The following GRIK1 variants were observed in gnomAD, a reference collection of about 807,000 sequenced individuals.
The protein encoded by GRIK1 is glutamate ionotropic receptor kainate type subunit 1, also known as glutamate receptor ionotropic, kainate 1.
In GRIK1, 69 loss-of-function variants were observed where a neutral mutation model predicts 105.7. That is an observed-to-expected ratio of 0.65 (90% CI 0.54 to 0.80). The LOEUF is 0.80. Ranked by LOEUF, GRIK1 falls within the 30% of genes least tolerant of loss-of-function variation. The pLI is 0.00. For missense variants in GRIK1, 1,109 were observed against 1,167.3 expected (o/e 0.95, Z 0.73); for synonymous variants, 438 against 431.3 (o/e 1.02, Z -0.19).
intron 1 of GRIK1, among the ~76,000 whole-genome samples, chr21:29,735,456 G>T (rs1421628885): frequency 6.6e-6 from 1 of 152,150 alleles, no homozygotes; most frequent in Non-Finnish European, 1.5e-5. Flanking sequence ...ATAATTTTAT[G>T]TCTTTAATGT....
chr21:29,674,533 C>T (rs1021746939), intron 3 of GRIK1, among the ~76,000 whole-genome samples: 5 of 151,752 alleles, frequency 3.3e-5, no homozygotes, highest in African/African-American at 9.7e-5. Context: ...CCCCATGTGT[C>T]GGGGGGGAAC....
At chr21:29,790,540 C>T (rs1467511074) in intron 1 of GRIK1, among the ~76,000 whole-genome samples, 5 of 151,886 alleles carry the variant, frequency 3.3e-5, no homozygotes, top group African/African-American at 1.2e-4. Flanking sequence ...ACTGCAGCCT[C>T]GAACTTCCAG....
At chr21:29,918,370 T>A (rs533011931) in intron 1 of GRIK1, among the ~76,000 whole-genome samples, 25 of 152,192 alleles carry the variant, frequency 1.6e-4, no homozygotes, top group African/African-American at 4.6e-4. Context: ...GAAGTAGACA[T>A]AACCAATCTC....
intron 7 of GRIK1, among the ~76,000 whole-genome samples, chr21:29,614,695 G>C (rs991431256): frequency 8.6e-5 from 13 of 151,350 alleles, no homozygotes; most frequent in African/African-American, 2.9e-4. Flanking sequence ...TTACAGGCAT[G>C]AGCCACCGCG....
intron 1 of GRIK1, among the ~76,000 whole-genome samples, chr21:29,822,657 T>C (rs766665734): frequency 1.3e-4 from 19 of 151,968 alleles, no homozygotes; most frequent in Non-Finnish European, 2.5e-4. Flanking sequence ...TGGGTTAATA[T>C]ATGGATGGAC....
At chr21:29,738,976 T>G (rs777395271) in intron 1 of GRIK1, among the ~76,000 whole-genome samples, 1 of 152,234 alleles carries the variant, frequency 6.6e-6, no homozygotes, top group Non-Finnish European at 1.5e-5. Context: ...TTTTCTTATT[T>G]ATGTATGCAT....
intron 7 of GRIK1, among the ~76,000 whole-genome samples, chr21:29,606,478 A>G (rs2061619229): frequency 6.6e-6 from 1 of 152,024 alleles, no homozygotes; most frequent in Non-Finnish European, 1.5e-5. Context: ...GTCTTTTTAC[A>G]GCAAGCTTTA....
intron 1 of GRIK1, among the ~76,000 whole-genome samples, chr21:29,796,125 A>G (rs894654133): frequency 4.6e-5 from 7 of 152,194 alleles, no homozygotes; most frequent in Non-Finnish European, 8.8e-5. Context: ...TTGCAGGCCT[A>G]TTTATTAAGA....
chr21:29,836,049 C>T (rs571505030), intron 1 of GRIK1, among the ~76,000 whole-genome samples: 32 of 152,340 alleles, frequency 2.1e-4, no homozygotes, highest in African/African-American at 7.2e-4. Flanking sequence ...GCACTCTTCA[C>T]CAAGCCTGGC....
chr21:29,844,571 G>A (rs1451771864), intron 1 of GRIK1, among the ~76,000 whole-genome samples: 1 of 152,134 alleles, frequency 6.6e-6, no homozygotes, highest in Non-Finnish European at 1.5e-5. Context: ...AATCCCTTCT[G>A]ATTTAAGGAA....
intron 7 of GRIK1, among the ~76,000 whole-genome samples, chr21:29,633,600 G>A (rs2062333307): frequency 1.3e-5 from 2 of 152,140 alleles, no homozygotes; most frequent in Admixed American, 1.3e-4. Flanking sequence ...AACAAACTAA[G>A]ATGTTTATAT....
rs188159139 is a variant in GRIK1, at chr21:29,681,082, G to A, written c.545-7918C>T. Among the ~76,000 whole-genome samples the A allele has an allele frequency of 2.8e-4, 42 of 152,248 alleles. No individual in the cohort carries two copies. The East Asian group carries it at 5.6e-3, about 20-fold the overall frequency. ...CAGGTGGTGGAGGTTGCAGTGAGCC[G>A]AGATCGCACCACTGCACTCCAGCCT... On this transcript the variant is annotated intron_variant, in intron 3 of 17. Coordinates refer to ENST00000327783, the MANE Select transcript of GRIK1 (RefSeq NM_001330994.2).
At chr21:29,612,557 C>A (rs1340489995) in intron 7 of GRIK1, among the ~76,000 whole-genome samples, 2 of 152,160 alleles carry the variant, frequency 1.3e-5, no homozygotes, top group Non-Finnish European at 1.5e-5. Flanking sequence ...TCAGTGCATT[C>A]ATTTCTCACC....
chr21:29,570,350 A>G (rs979520583), intron 14 of GRIK1, among the ~76,000 whole-genome samples: 1 of 152,066 alleles, frequency 6.6e-6, no homozygotes, highest in African/African-American at 2.4e-5. Context: ...AAAATAAAAA[A>G]ATATAGCTGG....
chr21:29,616,394 TC>T (rs770684559), intron 7 of GRIK1, among the ~76,000 whole-genome samples: 23 of 152,328 alleles, frequency 1.5e-4, no homozygotes, highest in Middle Eastern at 3.4e-3. Context: ...TCATTTAAAT[TC>T]CAAGTGCTCA....
chr21:29,872,223 T>C (rs1397054158), intron 1 of GRIK1, among the ~76,000 whole-genome samples: 1 of 143,204 alleles, frequency 7.0e-6, no homozygotes, highest in African/African-American at 2.6e-5. Context: ...AGACGGAGTC[T>C]CGCTCTGTCG....
chr21:29,578,069 C>G (rs1396888227), intron 13 of GRIK1, among the ~76,000 whole-genome samples: 1 of 152,166 alleles, frequency 6.6e-6, no homozygotes, highest in Non-Finnish European at 1.5e-5. Flanking sequence ...CAATTTTGCT[C>G]AAACTCAGCA....
At chr21:29,911,908 C>T (rs1263596216) in intron 1 of GRIK1, among the ~76,000 whole-genome samples, 2 of 151,918 alleles carry the variant, frequency 1.3e-5, no homozygotes, top group Non-Finnish European at 2.9e-5. Context: ...TATGGCAGCT[C>T]AAATAGACTA....
intron 1 of GRIK1, among the ~76,000 whole-genome samples, chr21:29,921,114 A>T (rs182543182): frequency 5.3e-5 from 8 of 152,036 alleles, no homozygotes; most frequent in Middle Eastern, 3.4e-3. Flanking sequence ...AGCACTCCTG[A>T]CCTCTAACCA....
Sources: allele counts gnomAD v4.1 joint callset (sites outside exome capture counted in the v4.1 genomes callset), GRCh38; gene constraint gnomAD v4.1.1; transcripts MANE v1.5; gene names NCBI Gene and HGNC (gene_info 2026-07-23, HGNC 2026-07-21).